Variants in TTI1 observed in about 807,000 individuals in gnomAD.
TTI1 encodes TELO2-interacting protein 1 homolog.
TTI1 carries 52 observed loss-of-function variants against 85.4 expected under a neutral mutation model. That is an observed-to-expected ratio of 0.61 (90% confidence interval 0.49 to 0.77). The LOEUF (loss-of-function observed/expected upper bound fraction) is 0.77. Among genes scored for constraint, TTI1 ranks in the 30% least tolerant of loss-of-function variants. The pLI is 0.00. For synonymous variants in TTI1, 512 were observed against 503.9 expected (o/e 1.02, Z -0.22); for missense variants, 1,173 against 1,296.0 (o/e 0.91, Z 1.46).
Position 38,012,082 on chromosome 20 carries a change from C to T in TTI1, c.1735G>A (p.Glu579Lys). 2 of 1,614,206 alleles carry T rather than the reference C, an allele frequency of 1.2e-6. No individual in the cohort carries two copies. Among genetic ancestry groups the T allele is most frequent in the Non-Finnish European group, 1.7e-6 (2 of 1,180,030 alleles). ...NWYLVTCLETEEMGEELMMEH... is the reference protein window; with the variant it reads ...NWYLVTCLETKEMGEELMMEH... ...ATCATCAGCTCCTCTCCCATTTCCT[C>T]AGTTTCAAGACAGGTAACCAAATAC... The change falls in exon 2 of 8, where the codon GAG becomes AAG. Residue 579 changes from glutamate (E) to lysine (K), a missense_variant. Coordinates refer to ENST00000373447, the MANE Select transcript of TTI1 (RefSeq NM_001303457.2).
intron 7 of TTI1, among the ~76,000 whole-genome samples, chr20:37,988,936 T>C (rs1422814158): frequency 1.3e-5 from 2 of 152,228 alleles, no homozygotes; most frequent in African/African-American, 4.8e-5. Flanking sequence ...AGGCTGTGTG[T>C]TTCCTTTTAA....
At chr20:38,000,552 G>C (rs2073411521) in intron 4 of TTI1, 2 of 107,218 alleles carry the variant, frequency 1.9e-5, no homozygotes, top group African/African-American at 7.2e-5. Context: ...TAGTCTGCAA[G>C]ACAGAGAGAA....
At chr20:38,029,515 AG>A (rs749719677) in intron 1 of TTI1, among the ~76,000 whole-genome samples, 3 of 152,094 alleles carry the variant, frequency 2.0e-5, no homozygotes, top group Non-Finnish European at 2.9e-5. Context: ...TTCTTTGAAA[AG>A]GTCAATAAAA....
Position 38,011,801 on chromosome 20 carries a change from G to T in TTI1, c.2016C>A (p.Thr672=), listed in dbSNP as rs2073594595. The part of the protein sequence containing the change: ...DQTLLISQVA[T]STMMDVCRAC... ...CACGGCAAACGTCCATCATGGTGCTGGTAGCCACCTGACTAATGAGTAGGG... is the reference window on the plus strand; with the variant it reads ...CACGGCAAACGTCCATCATGGTGCTTGTAGCCACCTGACTAATGAGTAGGG... The change falls in exon 2 of 8, where the codon ACC becomes ACA. Residue 672 remains threonine, a synonymous_variant. Transcript: ENST00000373447. 3 of 1,614,190 alleles carry T rather than the reference G, an allele frequency of 1.9e-6. No homozygotes were observed. Among genetic ancestry groups the T allele is most frequent in the Non-Finnish European group, 2.5e-6 (3 of 1,180,036 alleles).
At chr20:38,021,434 G>A (rs2073769945) in intron 1 of TTI1, among the ~76,000 whole-genome samples, 1 of 152,172 alleles carries the variant, frequency 6.6e-6, no homozygotes, top group Admixed American at 6.5e-5. Context: ...TGATTACTTA[G>A]AGTGGTGCTG....
At chr20:38,016,841 C>T (rs1040550307) in intron 1 of TTI1, among the ~76,000 whole-genome samples, 1 of 152,182 alleles carries the variant, frequency 6.6e-6, no homozygotes, top group Non-Finnish European at 1.5e-5. Flanking sequence ...TCTTAAACTG[C>T]TCTCCATCCT....
chr20:38,007,007 A>G (rs756597155), intron 2 of TTI1, among the ~76,000 whole-genome samples: 13 of 152,224 alleles, frequency 8.5e-5, no homozygotes, highest in Non-Finnish European at 1.6e-4. Flanking sequence ...GAGCAATTTG[A>G]TAACTCTCTC....
At chr20:38,032,487 C>T (rs1452046472) in intron 1 of TTI1, among the ~76,000 whole-genome samples, 2 of 152,168 alleles carry the variant, frequency 1.3e-5, no homozygotes, top group Non-Finnish European at 2.9e-5. Context: ...CCTACCATCA[C>T]CCCCGTGGCA....
chr20:38,023,729 T>C (rs1357420504), intron 1 of TTI1, among the ~76,000 whole-genome samples: 1 of 152,262 alleles, frequency 6.6e-6, no homozygotes, highest in Non-Finnish European at 1.5e-5. Flanking sequence ...AGAAGCTGGA[T>C]AAACATTAAC....
At chr20:38,008,330 T>C (rs1170453853) in intron 2 of TTI1, among the ~76,000 whole-genome samples, 4 of 152,212 alleles carry the variant, frequency 2.6e-5, no homozygotes, top group Admixed American at 1.3e-4. Flanking sequence ...AGATATTCAA[T>C]GCAGCATTTT....
chr20:38,028,634 C>G (rs928819344), intron 1 of TTI1, among the ~76,000 whole-genome samples: 12 of 152,208 alleles, frequency 7.9e-5, no homozygotes, highest in African/African-American at 2.7e-4. Context: ...AGAAAAACCA[C>G]CACCATCAAC....
rs778239203 is a variant in TTI1, at chr20:38,011,656, C to T, written c.2161G>A (p.Val721Ile). The change falls in exon 2 of 8, where the codon GTC becomes ATC. Residue 721 changes from valine (V) to isoleucine (I), a missense_variant. Transcript: ENST00000373447. ...TTAGCATCTGAGTTCCGCAGCATGA[C>T]TTCCAGGACCTTTGGGGTATGAGGA... ...LHPHTPKVLE[V>I]MLRNSDANLL... 1.1e-5 allele frequency: 17 copies of T among 1,614,234 alleles called. No individual in the cohort carries two copies. Among genetic ancestry groups the T allele is most frequent in the Non-Finnish European group, 8.5e-7 (1 of 1,180,042 alleles).
At chr20:37,994,312 T>G (rs1002336721) in intron 7 of TTI1, among the ~76,000 whole-genome samples, 12 of 152,140 alleles carry the variant, frequency 7.9e-5, no homozygotes, top group African/African-American at 2.9e-4. Flanking sequence ...TTTTTGTATT[T>G]TTAGTAGAGA....
intron 7 of TTI1, among the ~76,000 whole-genome samples, chr20:37,989,457 A>G (rs1055736430): frequency 6.6e-6 from 1 of 152,266 alleles, no homozygotes; most frequent in African/African-American, 2.4e-5. Flanking sequence ...TATGGCGCTG[A>G]GAGGTCCAAT....
At chr20:37,996,615 A>C in intron 6 of TTI1, 134 bp downstream of exon 6, 1 of 1,397,116 alleles carries the variant, frequency 7.2e-7, no homozygotes, top group African/African-American at 1.4e-5. Context: ...ATAAATGGAC[A>C]AATGAGGCCA....
At chr20:38,010,007 T>C (rs1336931488) in intron 2 of TTI1, among the ~76,000 whole-genome samples, 1 of 152,238 alleles carries the variant, frequency 6.6e-6, no homozygotes, top group East Asian at 1.9e-4. Flanking sequence ...ATGATTTGTT[T>C]ACTTGTTTAT....
At chr20:38,020,998 T>C (rs1003937777) in intron 1 of TTI1, among the ~76,000 whole-genome samples, 1 of 152,254 alleles carries the variant, frequency 6.6e-6, no homozygotes, top group African/African-American at 2.4e-5. Context: ...TTCCATTCTT[T>C]GATATATACC....
At chr20:37,984,125 C>T (rs376534282) in intron 7 of TTI1, among the ~76,000 whole-genome samples, 7 of 152,206 alleles carry the variant, frequency 4.6e-5, no homozygotes, top group South Asian at 2.1e-4. Flanking sequence ...CTGCTGAAGT[C>T]GGCAGTTGGA....
chr20:38,012,379 T>C lies in TTI1; in HGVS notation c.1438A>G (p.Thr480Ala). The C allele has an allele frequency of 7.4e-6, 12 of 1,614,174 alleles. No homozygotes were observed. Among genetic ancestry groups the C allele is most frequent in the Non-Finnish European group, 1.0e-5 (12 of 1,180,030 alleles). ...AAGAGCATGAAGATTCTCTCATCAG[T>C]GAAGAAGCGGAAATATCTCCTCTGG... Reference protein sequence around the residue: ...RIQRRYFRFFTDERIFMLLRQ... With the variant: ...RIQRRYFRFFADERIFMLLRQ... Residue 480 changes from threonine to alanine, a missense_variant, in exon 2 of 8, where the codon ACT (threonine) becomes GCT (alanine). Physicochemically the swap from Thr to Ala is moderately conservative, Grantham distance 58. Coordinates refer to ENST00000373447, the MANE Select transcript of TTI1 (RefSeq NM_001303457.2).
Sources: gnomAD v4.1 joint callset for allele counts (sites outside exome capture counted in the v4.1 genomes callset) on GRCh38, gnomAD v4.1.1 for gene constraint, MANE v1.5 for transcripts, NCBI Gene and HGNC (gene_info 2026-07-23, HGNC 2026-07-21) for gene names.